The following AKAP7 variants were observed in gnomAD, a reference collection of about 807,000 sequenced individuals.
The protein encoded by AKAP7 is A kinase (PRKA) anchor protein 7.
In AKAP7, 39 loss-of-function variants were observed where a neutral mutation model predicts 39.5. The observed-to-expected ratio is 0.99, with a 90% CI of 0.76 to 1.29. The LOEUF (loss-of-function observed/expected upper bound fraction) is 1.29, where lower values mean the gene tolerates loss of function less well. AKAP7 is among the 50% of genes most tolerant of loss of function. The pLI, the probability that AKAP7 is intolerant of heterozygous loss-of-function variation, is 0.00. For synonymous variants in AKAP7, 140 were observed against 139.1 expected (o/e 1.01, Z -0.05); for missense variants, 414 against 407.7 (o/e 1.02, Z -0.13).
rs1554376044 is a variant in AKAP7, at chr6:131,135,494, A to ATGCGGGTGCTGCGGCTGC, written c.-264_-247dup. On this transcript the variant is annotated 5_prime_UTR_variant, in exon 1 of 8. Coordinates refer to ENST00000431975, the MANE Select transcript of AKAP7 (RefSeq NM_016377.4). ...GGCTTGTTCCGGCGTCCGGCCTGGC[A>ATGCGGGTGCTGCGGCTGC]TGCGGGTGCTGCGGCTGCTGCGGCT... Among the ~76,000 whole-genome samples the ATGCGGGTGCTGCGGCTGC allele has an allele frequency of 6.7e-6, 1 of 148,960 alleles. No homozygotes were observed. The highest frequency in any genetic ancestry group is 6.7e-5 in the Admixed American group (1 of 14,988).
At chr6:131,129,172 A>G in the AKAP7 span, among the ~76,000 whole-genome samples, 6 of 152,066 alleles carry the variant, frequency 3.9e-5, no homozygotes, top group Admixed American at 3.9e-4. Context: ...CTGTAGTCCC[A>G]GCTACCAGGG....
intron 4 of AKAP7, among the ~76,000 whole-genome samples, chr6:131,166,331 G>A (rs966387424): frequency 2.6e-5 from 4 of 152,074 alleles, no homozygotes; most frequent in African/African-American, 4.8e-5. Context: ...AAGATACTAC[G>A]CAAAATGAAA....
At position 131,165,217 on chromosome 6, in the gene AKAP7, T is replaced by A. The variant is rs752803625; in HGVS notation, c.428T>A (p.Ile143Asn). Residue 143 changes from isoleucine (I) to asparagine (N), a missense_variant and splice_region_variant, in exon 4 of 8, where the codon ATT (isoleucine) becomes AAT (asparagine). Physicochemically the swap from Ile to Asn is moderately radical, Grantham distance 149 (BLOSUM62 -3). Coordinates refer to ENST00000431975, the MANE Select transcript of AKAP7 (RefSeq NM_016377.4). ...TTATTAAATGAAGATGAAGTAAACA[T>A]GTGAGTAATGTATCTTTCTTAAATA... The part of the protein sequence containing the change: ...MQLLNEDEVN[I>N]GIDALLELKP... The A allele has an allele frequency of 6.3e-7, 1 of 1,597,092 alleles. No homozygotes were observed. Among genetic ancestry groups the A allele is most frequent in the Admixed American group, 1.7e-5 (1 of 57,442 alleles).
chr6:131,250,882 C>T (rs1812393078), intron 7 of AKAP7, among the ~76,000 whole-genome samples: 1 of 152,152 alleles, frequency 6.6e-6, no homozygotes, highest in Admixed American at 6.5e-5. Context: ...TCTCCCAGCT[C>T]ATTTTTATCC....
chr6:131,160,082 T>C lies in AKAP7; in HGVS notation c.175T>C (p.Leu59=), dbSNP rs374574314. The change falls in exon 3 of 8, where the codon TTG becomes CTG. Residue 59 remains leucine (L), a synonymous_variant. Transcript: ENST00000431975. Reference sequence around the variant, plus strand: ...AGTCACTGATGAACCTCAAATAAATTTGAAGAGAAGTCAAGAAAATGAATG... The same window carrying C: ...AGTCACTGATGAACCTCAAATAAATCTGAAGAGAAGTCAAGAAAATGAATG... ...CGITDEPQIN[L]KRSQENEWVK... is the part of the protein sequence containing the mutation. 3 of 1,593,488 alleles carry C rather than the reference T, an allele frequency of 1.9e-6. No individual in the cohort carries two copies. The highest frequency in any genetic ancestry group is 2.6e-6 in the Non-Finnish European group (3 of 1,174,998).
chr6:131,212,686 T>A (rs1808785192), intron 6 of AKAP7, among the ~76,000 whole-genome samples: 1 of 152,142 alleles, frequency 6.6e-6, no homozygotes, highest in Non-Finnish European at 1.5e-5. Context: ...GGAATACTCC[T>A]GGGTAGTTAG....
At chr6:131,170,608 T>C (rs2128245631) in intron 5 of AKAP7, among the ~76,000 whole-genome samples, 1 of 152,372 alleles carries the variant, frequency 6.6e-6, no homozygotes, top group East Asian at 1.9e-4. Flanking sequence ...TGGGACATCC[T>C]TTTCACTTAA....
At chr6:131,128,822 C>CAAAAAAA in the AKAP7 span, among the ~76,000 whole-genome samples, 1 of 125,110 alleles carries the variant, frequency 8.0e-6, no homozygotes, top group Non-Finnish European at 1.6e-5. Context: ...AACTCCATCT[C>CAAAAAAA]AAAAAAAAAA....
At chr6:131,223,478 A>T (rs1049065868) in intron 7 of AKAP7, among the ~76,000 whole-genome samples, 1 of 152,350 alleles carries the variant, frequency 6.6e-6, no homozygotes, top group Non-Finnish European at 1.5e-5. Flanking sequence ...GAAGATATTC[A>T]GTATGTCGTT....
intron 6 of AKAP7, among the ~76,000 whole-genome samples, chr6:131,217,122 T>C (rs1262565190): frequency 6.6e-6 from 1 of 152,066 alleles, no homozygotes; most frequent in South Asian, 2.1e-4. Flanking sequence ...ATTTTGGGGG[T>C]CCACAACCTG....
chr6:131,185,369 G>A (rs1284419417), intron 5 of AKAP7: 5 of 531,332 alleles, frequency 9.4e-6, no homozygotes, highest in Non-Finnish European at 1.8e-5. Context: ...GGCCAAGAAA[G>A]GCAGGCACAT....
At chr6:131,248,844 C>T (rs907419409) in intron 7 of AKAP7, among the ~76,000 whole-genome samples, 22 of 152,168 alleles carry the variant, frequency 1.4e-4, no homozygotes, top group African/African-American at 5.1e-4. Context: ...TTAAAACATA[C>T]ACCTGTATTC....
At chr6:131,267,139 T>A (rs1813867639) in intron 7 of AKAP7, among the ~76,000 whole-genome samples, 1 of 152,206 alleles carries the variant, frequency 6.6e-6, no homozygotes, top group Non-Finnish European at 1.5e-5. Context: ...TTAAAAAATA[T>A]TATGAAAAAA....
intron 5 of AKAP7, among the ~76,000 whole-genome samples, chr6:131,197,976 C>T (rs190231929): frequency 7.9e-5 from 12 of 152,234 alleles, no homozygotes; most frequent in East Asian, 5.8e-4. Context: ...GTGTATCAAG[C>T]GAATGAGTTA....
At chr6:131,247,284 T>C (rs1490829333) in intron 7 of AKAP7, among the ~76,000 whole-genome samples, 1 of 38,714 alleles carries the variant, frequency 2.6e-5, no homozygotes, top group African/African-American at 9.1e-5. Flanking sequence ...TATATATATA[T>C]ATATATATAT....
intron 5 of AKAP7, among the ~76,000 whole-genome samples, chr6:131,181,903 C>G (rs1410315440): frequency 6.6e-6 from 1 of 152,040 alleles, no homozygotes; most frequent in Non-Finnish European, 1.5e-5. Context: ...GCGGGTAGAT[C>G]ACTTGAGGTT....
At chr6:131,206,064 C>T (rs974353184) in intron 6 of AKAP7, among the ~76,000 whole-genome samples, 3 of 152,176 alleles carry the variant, frequency 2.0e-5, no homozygotes, top group African/African-American at 7.2e-5. Context: ...TATGTGCTAA[C>T]ACTTGATGGC....
Position 131,282,903 on chromosome 6 carries a change from T to A in AKAP7, c.*1177T>A. 1 of 250,540 alleles carries A rather than the reference T, an allele frequency of 4.0e-6. No individual in the cohort carries two copies. The highest frequency in any genetic ancestry group is 7.7e-6 in the Non-Finnish European group (1 of 130,222). 15.5% of individuals were successfully genotyped at this position (250,540 alleles called of 1,614,324 possible). On this transcript the variant is annotated 3_prime_UTR_variant, in exon 8 of 8. Transcript: ENST00000431975. ...CTTGCAGAAAAAAACATACAGACTG[T>A]GAACAAATCATTCACAAACAGAATA...
intron 5 of AKAP7, among the ~76,000 whole-genome samples, chr6:131,188,046 A>G (rs963342056): frequency 3.3e-5 from 5 of 152,226 alleles, no homozygotes; most frequent in African/African-American, 1.2e-4. Flanking sequence ...CTCTTTATCA[A>G]CTGTGGTAGA....
Sources: gnomAD v4.1 joint callset for allele counts (sites outside exome capture counted in the v4.1 genomes callset) on GRCh38, gnomAD v4.1.1 for gene constraint, MANE v1.5 for transcripts, NCBI Gene and HGNC (gene_info 2026-07-23, HGNC 2026-07-21) for gene names.